RBM27: variants seen among roughly 807,000 people sequenced by gnomAD.
RBM27 encodes RNA binding motif protein 27, also known as RNA-binding protein 27.
Under a neutral mutation model 135.3 loss-of-function variants are expected in RBM27, and 22 were observed. That is an observed-to-expected ratio of 0.16 (90% CI 0.12 to 0.23). RBM27 has a LOEUF of 0.23. Ranked by LOEUF, RBM27 falls within the 10% of genes least tolerant of loss-of-function variation. The pLI is 1.00. For synonymous variants in RBM27, 481 were observed against 442.4 expected, an observed-to-expected ratio of 1.09 and a Z score of -1.10; for missense variants, 1,009 against 1,281.0, an observed-to-expected ratio of 0.79 and a Z score of 3.24.
intron 1 of RBM27, among the ~76,000 whole-genome samples, chr5:146,205,656 A>G (rs546602614): frequency 6.6e-6 from 1 of 152,296 alleles, no homozygotes; most frequent in South Asian, 2.1e-4. Context: ...GGTGGGAAAT[A>G]AGATGGATGT....
chr5:146,239,029 C>T (rs1442872192), intron 8 of RBM27, among the ~76,000 whole-genome samples: 1 of 152,082 alleles, frequency 6.6e-6, no homozygotes, highest in African/African-American at 2.4e-5. Context: ...ATTATTGTCT[C>T]CTGAAATTTC....
chr5:146,214,744 A>G (rs1302154202), intron 1 of RBM27, among the ~76,000 whole-genome samples: 4 of 152,206 alleles, frequency 2.6e-5, no homozygotes, highest in African/African-American at 9.6e-5. Context: ...AGCGTACTTT[A>G]TGGATACATG....
At chr5:146,209,439 T>G (rs1019772620) in intron 1 of RBM27, among the ~76,000 whole-genome samples, 3 of 152,194 alleles carry the variant, frequency 2.0e-5, no homozygotes, top group Admixed American at 2.0e-4. Flanking sequence ...ATTGAATATG[T>G]TGTCAGCTTG....
At chr5:146,276,757 T>A (rs1468775616) in intron 19 of RBM27, among the ~76,000 whole-genome samples, 2 of 152,176 alleles carry the variant, frequency 1.3e-5, no homozygotes, top group East Asian at 3.8e-4. Context: ...TCAGACCTTG[T>A]TAAAAAAGTA....
At chr5:146,206,423 C>T (rs1581125299) in intron 1 of RBM27, among the ~76,000 whole-genome samples, 2 of 131,016 alleles carry the variant, frequency 1.5e-5, no homozygotes, top group African/African-American at 2.9e-5. Flanking sequence ...TATGATCATT[C>T]TGTAATTTTC....
chr5:146,245,692 G>A (rs1164840445), intron 8 of RBM27, among the ~76,000 whole-genome samples: 1 of 152,036 alleles, frequency 6.6e-6, no homozygotes, highest in Non-Finnish European at 1.5e-5. Flanking sequence ...TCTAGAGCAG[G>A]GGTCCCCAAA....
chr5:146,208,104 C>T (rs1217773811), intron 1 of RBM27, among the ~76,000 whole-genome samples: 1 of 151,570 alleles, frequency 6.6e-6, no homozygotes, highest in Non-Finnish European at 1.5e-5. Flanking sequence ...TTACAGGTGC[C>T]CGCCACTACG....
chr5:146,219,642 G>A (rs1756358131), intron 2 of RBM27, among the ~76,000 whole-genome samples: 1 of 152,032 alleles, frequency 6.6e-6, no homozygotes, highest in African/African-American at 2.4e-5. Context: ...TTCCACTCTA[G>A]CCACAACGAC....
chr5:146,235,033 A>AAAATAAATAAATAAATAAATAAATAAAT (rs59434635), intron 7 of RBM27, among the ~76,000 whole-genome samples: 1 of 139,462 alleles, frequency 7.2e-6, no homozygotes, highest in Non-Finnish European at 1.5e-5. Flanking sequence ...CCCTGTCTCA[A>AAAATAAATAAATAAATAAATAAATAAAT]AAATAAATAA....
chr5:146,269,598 T>A lies in RBM27; in HGVS notation c.2691+14T>A. On this transcript the variant is annotated intron_variant, in intron 17 of 20. Coordinates refer to ENST00000265271, the MANE Select transcript of RBM27 (RefSeq NM_018989.2). ...ACAAAAACGGAGGTATCTATTTGCA[T>A]TTTTTATTTAACATAGGGTTATTGA... 1 of 1,507,442 alleles carries A rather than the reference T, an allele frequency of 6.6e-7. No individual in the cohort carries two copies. The highest frequency in any genetic ancestry group is 8.8e-7 in the Non-Finnish European group (1 of 1,132,762). 93.4% of individuals were successfully genotyped at this position (1,507,442 alleles called of 1,614,324 possible). A position where few individuals can be genotyped will look rare whatever the true frequency, so the allele number is the denominator to read the frequency against.
intron 9 of RBM27, among the ~76,000 whole-genome samples, chr5:146,252,148 A>G (rs1008512278): frequency 9.2e-5 from 14 of 152,192 alleles, no homozygotes; most frequent in African/African-American, 2.7e-4. Context: ...CTAGTTTCTA[A>G]TCAGGTAGAT....
chr5:146,248,743 G>A (rs139309215), intron 8 of RBM27, among the ~76,000 whole-genome samples: 1,632 of 152,300 alleles, frequency 0.011, 32 homozygotes, highest in African/African-American at 0.038. Flanking sequence ...TGTAATCACA[G>A]GTGTGAGCCA....
At position 146,261,565 on chromosome 5, in the gene RBM27, A is replaced by C; in HGVS notation, c.1949A>C (p.Glu650Ala). 6.2e-7 allele frequency: 1 copy of C among 1,614,242 alleles called. No individual in the cohort carries two copies. The highest frequency in any genetic ancestry group is 1.6e-4 in the Middle Eastern group (1 of 6,062). The stretch of plus-strand genomic sequence containing the variant: ...CTAATCCAATATCTTACCAATGAGG[A>C]GGCCAGGAAAGCCATTTCTAGCACA... ...AALIQYLTNE[E>A]ARKAISSTEA... The change falls in exon 13 of 21, where the codon GAG (glutamate) becomes GCG (alanine). Residue 650 changes from glutamate to alanine, a missense_variant. This residue lies in a region of RBM27 where 34 missense variants were observed against 82.8 expected (regional missense o/e 0.41). Transcript: ENST00000265271.
chr5:146,223,680 T>G (rs773003465), intron 3 of RBM27, among the ~76,000 whole-genome samples, 153 bp downstream of exon 3: 1 of 152,246 alleles, frequency 6.6e-6, no homozygotes. Context: ...GATTTCATAG[T>G]TGCTTGGACT....
Position 146,228,974 on chromosome 5 carries a change from G to T in RBM27, c.332G>T (p.Arg111Leu). 1 of 1,613,492 alleles carries T rather than the reference G, an allele frequency of 6.2e-7. No individual in the cohort carries two copies. The highest frequency in any genetic ancestry group is 8.5e-7 in the Non-Finnish European group (1 of 1,179,654). The stretch of plus-strand genomic sequence containing the variant: ...TTTCAGGAGCCAGCAGAGGAAGAAC[G>T]AGATGGCAGAAAAAAGAAATATCCT... ...EVFQEPAEEERDGRKKKYPSP... is the reference protein window; with the variant it reads ...EVFQEPAEEELDGRKKKYPSP... Residue 111 changes from arginine (R) to leucine (L), a missense_variant, in exon 4 of 21, where the codon CGA becomes CTA. Arg to Leu is a moderately radical substitution (Grantham distance 102, BLOSUM62 -2). Coordinates refer to ENST00000265271, the MANE Select transcript of RBM27 (RefSeq NM_018989.2).
At chr5:146,263,719 G>A in intron 14 of RBM27, 88 bp downstream of exon 14, 4 of 1,428,502 alleles carry the variant, frequency 2.8e-6, no homozygotes, top group Middle Eastern at 1.8e-4. Context: ...AGTGAAGACA[G>A]TTGTGACAGT....
intron 1 of RBM27, among the ~76,000 whole-genome samples, chr5:146,214,639 A>G (rs1211785828): frequency 6.6e-6 from 1 of 152,210 alleles, no homozygotes; most frequent in African/African-American, 2.4e-5. Context: ...CTAGAAAATT[A>G]CAGCACAAAA....
intron 8 of RBM27, among the ~76,000 whole-genome samples, chr5:146,242,466 T>TA (rs779332215): frequency 1.3e-5 from 2 of 152,224 alleles, no homozygotes; most frequent in African/African-American, 2.4e-5. Context: ...TGCAGAGAAA[T>TA]ATGTGGTTTT....
At chr5:146,279,382 G>T (rs1214983542) in intron 19 of RBM27, among the ~76,000 whole-genome samples, 1 of 151,864 alleles carries the variant, frequency 6.6e-6, no homozygotes, top group African/African-American at 2.4e-5. Context: ...CTGGGAGGCG[G>T]GTTACAGTGA....
Sources: allele counts gnomAD v4.1 joint callset (sites outside exome capture counted in the v4.1 genomes callset), GRCh38; gene constraint gnomAD v4.1.1; regional missense constraint gnomAD v4.1.1; transcripts MANE v1.5; gene names NCBI Gene and HGNC (gene_info 2026-07-23, HGNC 2026-07-21).